Variants in FAM110B observed in about 807,000 individuals in gnomAD.
FAM110B encodes family with sequence similarity 110 member B, also known as protein FAM110B.
In FAM110B, 6 loss-of-function variants were observed where a neutral mutation model predicts 20.4. The ratio of observed to expected loss-of-function variants is 0.29; its 90% confidence interval spans 0.16 to 0.58. FAM110B has a LOEUF of 0.58. Among genes scored for constraint, FAM110B ranks in the 20% least tolerant of loss-of-function variants. The pLI is 0.90. For missense variants in FAM110B, 434 were observed against 498.2 expected (o/e 0.87, Z 1.23); for synonymous variants, 226 against 214.1 (o/e 1.06, Z -0.49).
chr8:58,028,582 T>C (rs34915140), intron 1 of FAM110B, among the ~76,000 whole-genome samples: 23,949 of 152,196 alleles, frequency 0.16, 2,341 homozygotes, highest in African/African-American at 0.26. Context: ...TCTTGTCCTT[T>C]TTCCCCCCTT....
At chr8:58,002,132 G>T (rs1804311253) in intron 1 of FAM110B, among the ~76,000 whole-genome samples, 1 of 152,070 alleles carries the variant, frequency 6.6e-6, no homozygotes, top group South Asian at 2.1e-4. Flanking sequence ...CACCCACATT[G>T]GGGAGGGCCT....
rs1271377033 is a variant in FAM110B, at chr8:58,034,989, C to T, written c.-414+3286C>T. Among the ~76,000 whole-genome samples the T allele has an allele frequency of 2.0e-5, 3 of 152,252 alleles. No homozygotes were observed. In the East Asian group the frequency reaches 5.8e-4, roughly 29 times the overall value. ...TCTCATCGTTAGTTTAAGTCATTGT[C>T]TAAACTTTGGTCACAAAGGCTCATT... On this transcript the variant is annotated intron_variant, in intron 2 of 3. Coordinates refer to ENST00000519262, the MANE Select transcript of FAM110B (RefSeq NM_001377989.1).
intron 2 of FAM110B, among the ~76,000 whole-genome samples, chr8:58,032,933 C>T (rs1360058359): frequency 1.3e-5 from 2 of 152,124 alleles, no homozygotes; most frequent in African/African-American, 4.8e-5. Flanking sequence ...ATTTTAAATT[C>T]AGGAGGTGCA....
At chr8:58,137,349 C>A (rs531656177) in intron 3 of FAM110B, among the ~76,000 whole-genome samples, 3 of 152,292 alleles carry the variant, frequency 2.0e-5, no homozygotes, top group Non-Finnish European at 4.4e-5. Context: ...CACCTTAGGT[C>A]AGGAGTTTGA....
At chr8:58,040,916 A>C (rs1805201331) in intron 2 of FAM110B, among the ~76,000 whole-genome samples, 1 of 146,626 alleles carries the variant, frequency 6.8e-6, no homozygotes, top group Non-Finnish European at 1.5e-5. Flanking sequence ...TTAAAAGCAG[A>C]GGTTAGAAAT....
intron 2 of FAM110B, among the ~76,000 whole-genome samples, chr8:58,051,141 G>A (rs1805432645): frequency 6.6e-6 from 1 of 152,162 alleles, no homozygotes; most frequent in African/African-American, 2.4e-5. Context: ...TCACTCCTGG[G>A]CCAGTGGTGC....
At chr8:58,040,816 CTTCT>C (rs1247405164) in intron 2 of FAM110B, among the ~76,000 whole-genome samples, 2 of 151,382 alleles carry the variant, frequency 1.3e-5, no homozygotes, top group Non-Finnish European at 2.9e-5. Context: ...TATGATATTT[CTTCT>C]TTCTCTACTA....
chr8:58,055,806 A>G (rs147238799), intron 2 of FAM110B, among the ~76,000 whole-genome samples: 2 of 152,346 alleles, frequency 1.3e-5, no homozygotes, highest in East Asian at 3.9e-4. Context: ...CATGTGCTCT[A>G]TGCAAGAAAG....
At chr8:58,012,595 TG>T (rs1373704945) in intron 1 of FAM110B, among the ~76,000 whole-genome samples, 3 of 152,214 alleles carry the variant, frequency 2.0e-5, no homozygotes, top group Admixed American at 6.5e-5. Context: ...GATTTGGTGC[TG>T]GTTCTGGGCC....
At chr8:58,047,591 C>CCTCTCTCTCTCTCTCCCT (rs1805352010) in intron 2 of FAM110B, among the ~76,000 whole-genome samples, 1 of 74,646 alleles carries the variant, frequency 1.3e-5, no homozygotes, top group East Asian at 4.5e-4. Context: ...CTTCCTTTTT[C>CCTCTCTCTCTCTCTCCCT]CTCTCTCTCT....
chr8:58,143,159 C>T (rs1803778334), intron 3 of FAM110B, among the ~76,000 whole-genome samples: 1 of 152,258 alleles, frequency 6.6e-6, no homozygotes. Context: ...TTACAAGAGA[C>T]AGCAACCTAA....
At chr8:58,079,972 A>G (rs1185442777) in intron 3 of FAM110B, among the ~76,000 whole-genome samples, 2 of 152,242 alleles carry the variant, frequency 1.3e-5, no homozygotes, top group South Asian at 2.1e-4. Flanking sequence ...CATGGACTGT[A>G]GAAGGACTGC....
intron 3 of FAM110B, among the ~76,000 whole-genome samples, chr8:58,134,395 G>T (rs1803560466): frequency 6.6e-6 from 1 of 152,154 alleles, no homozygotes; most frequent in South Asian, 2.1e-4. Context: ...CCATGTATTT[G>T]CCTTATATTG....
chr8:58,117,098 C>T (rs568654784), intron 3 of FAM110B, among the ~76,000 whole-genome samples: 14 of 152,222 alleles, frequency 9.2e-5, no homozygotes, highest in African/African-American at 2.9e-4. Context: ...ATTTTTGTGC[C>T]GATCTGTCCA....
intron 3 of FAM110B, chr8:58,091,632 A>C (rs1806480218): frequency 6.6e-6 from 1 of 152,156 alleles, no homozygotes; most frequent in Non-Finnish European, 1.5e-5. Flanking sequence ...AGACTGAAGA[A>C]GAGAAAAAAA....
chr8:58,127,897 C>T (rs985724012), intron 3 of FAM110B, among the ~76,000 whole-genome samples: 1 of 152,112 alleles, frequency 6.6e-6, no homozygotes, highest in South Asian at 2.1e-4. Context: ...ACAGGTTTAG[C>T]GCAGTGGTTC....
chr8:58,088,921 T>G (rs975407309), intron 3 of FAM110B, among the ~76,000 whole-genome samples: 8 of 152,226 alleles, frequency 5.3e-5, no homozygotes. Flanking sequence ...TATATTCTCA[T>G]GTATATAAAT....
chr8:58,045,151 G>T (rs1805294273), intron 2 of FAM110B, among the ~76,000 whole-genome samples: 2 of 152,086 alleles, frequency 1.3e-5, no homozygotes, highest in Admixed American at 1.3e-4. Context: ...AAGGGAGGAG[G>T]GCTAGCACGG....
At chr8:58,145,315 G>GTT (rs34339289) in intron 3 of FAM110B, among the ~76,000 whole-genome samples, 10 of 143,312 alleles carry the variant, frequency 7.0e-5, no homozygotes, top group African/African-American at 7.7e-5. Context: ...ACGTGTTGAG[G>GTT]TTTTTTTTTT....
Sources: allele counts gnomAD v4.1 joint callset (sites outside exome capture counted in the v4.1 genomes callset), GRCh38; gene constraint gnomAD v4.1.1; transcripts MANE v1.5; gene names NCBI Gene and HGNC (gene_info 2026-07-23, HGNC 2026-07-21).